ITPR1: variants seen among roughly 807,000 people sequenced by gnomAD.
ITPR1 encodes inositol 1,4,5-trisphosphate receptor type 1, also known as inositol 1,4,5-trisphosphate-gated calcium channel ITPR1.
Under a neutral mutation model 318.4 loss-of-function variants are expected in ITPR1, and 96 were observed. The ratio of observed to expected loss-of-function variants is 0.30; its 90% CI spans 0.26 to 0.36. The LOEUF is 0.36. ITPR1 is among the 10% of genes least tolerant of loss of function. The pLI, the probability that ITPR1 is intolerant of heterozygous loss-of-function variation, is 1.00. For missense variants in ITPR1, 2,440 were observed against 3,460.2 expected (o/e 0.71, Z 7.40); for synonymous variants, 1,312 against 1,289.9 (o/e 1.02, Z -0.37).
At chr3:4,740,191 C>T (rs1348095533) in intron 44 of ITPR1, among the ~76,000 whole-genome samples, 1 of 152,156 alleles carries the variant, frequency 6.6e-6, no homozygotes. Flanking sequence ...CTCACCACCA[C>T]CCCCATTATA....
intron 5 of ITPR1, among the ~76,000 whole-genome samples, chr3:4,635,271 GT>G (rs1400810797): frequency 1.3e-5 from 2 of 152,310 alleles, no homozygotes; most frequent in Non-Finnish European, 2.9e-5. Context: ...TGAGTGAAAA[GT>G]TTTTTGGTCA....
intron 26 of ITPR1, 96 bp from the exon 27 acceptor site, chr3:4,683,290 T>C: frequency 8.3e-7 from 1 of 1,206,126 alleles, no homozygotes; most frequent in South Asian, 1.2e-5. Flanking sequence ...ATCACAGTGC[T>C]AGAAATGCAA....
At chr3:4,646,659 G>C (rs186199126) in intron 10 of ITPR1, among the ~76,000 whole-genome samples, 1 of 152,242 alleles carries the variant, frequency 6.6e-6, no homozygotes. Flanking sequence ...AGAAGATTCT[G>C]CCCACAGCAT....
intron 44 of ITPR1, among the ~76,000 whole-genome samples, chr3:4,753,523 G>A (rs1472485757): frequency 1.3e-5 from 2 of 152,126 alleles, no homozygotes; most frequent in African/African-American, 2.4e-5. Context: ...ACAGCAAGAT[G>A]GGGATGCAGG....
chr3:4,638,953 A>C (rs895851840), intron 5 of ITPR1, among the ~76,000 whole-genome samples: 1 of 152,172 alleles, frequency 6.6e-6, no homozygotes, highest in Non-Finnish European at 1.5e-5. Context: ...ATTAAATAAC[A>C]CATTCAAGTT....
intron 44 of ITPR1, among the ~76,000 whole-genome samples, chr3:4,746,774 A>C (rs1313208844): frequency 6.6e-6 from 1 of 152,190 alleles, no homozygotes; most frequent in Non-Finnish European, 1.5e-5. Flanking sequence ...TGTGGAAGGC[A>C]CTCAGCTCAG....
At chr3:4,563,707 C>T (rs1044624489) in intron 4 of ITPR1, among the ~76,000 whole-genome samples, 1 of 152,070 alleles carries the variant, frequency 6.6e-6, no homozygotes, top group African/African-American at 2.4e-5. Context: ...CAAGATTGAA[C>T]GGTGCTAGAT....
At chr3:4,617,082 T>G (rs1274750206) in intron 4 of ITPR1, among the ~76,000 whole-genome samples, 1 of 152,016 alleles carries the variant, frequency 6.6e-6, no homozygotes, top group Non-Finnish European at 1.5e-5. Context: ...GGATTACATG[T>G]TATAGGTTAT....
chr3:4,813,004 C>G, intron 56 of ITPR1, 138 bp from the exon 57 acceptor site: 1 of 697,074 alleles, frequency 1.4e-6, no homozygotes, highest in Non-Finnish European at 2.5e-6. Context: ...AATTGCATTT[C>G]TGCTTTGAAT....
At chr3:4,541,719 A>G (rs2084469321) in intron 4 of ITPR1, among the ~76,000 whole-genome samples, 1 of 151,720 alleles carries the variant, frequency 6.6e-6, no homozygotes, top group East Asian at 1.9e-4. Context: ...TCCGCCTCCC[A>G]GGTTCAAGCC....
intron 26 of ITPR1, among the ~76,000 whole-genome samples, chr3:4,681,824 A>G (rs894167682): frequency 1.3e-5 from 2 of 152,092 alleles, no homozygotes; most frequent in African/African-American, 2.4e-5. Context: ...GCTGGGCTAC[A>G]ATTTTATCCC....
intron 46 of ITPR1, among the ~76,000 whole-genome samples, chr3:4,772,840 A>T (rs2046266743): frequency 6.6e-6 from 1 of 152,210 alleles, no homozygotes; most frequent in Admixed American, 6.5e-5. Context: ...TCTGGGACAG[A>T]TTCTGTCCAG....
At chr3:4,609,536 A>C (rs553817792) in intron 4 of ITPR1, among the ~76,000 whole-genome samples, 1 of 152,144 alleles carries the variant, frequency 6.6e-6, no homozygotes, top group Non-Finnish European at 1.5e-5. Context: ...ATATGTACAG[A>C]TGTCAAAACT....
intron 55 of ITPR1, among the ~76,000 whole-genome samples, chr3:4,806,850 G>A (rs2048586100): frequency 6.6e-6 from 1 of 152,072 alleles, no homozygotes; most frequent in South Asian, 2.1e-4. Flanking sequence ...CTCCTGAGCA[G>A]GTTTTTAAAT....
intron 4 of ITPR1, among the ~76,000 whole-genome samples, chr3:4,594,051 G>A (rs1001106905): frequency 6.6e-6 from 1 of 152,168 alleles, no homozygotes; most frequent in African/African-American, 2.4e-5. Flanking sequence ...TGTGGCAGAG[G>A]CAGCAAGAAT....
chr3:4,583,851 C>T (rs77305707), intron 4 of ITPR1, among the ~76,000 whole-genome samples: 1 of 152,100 alleles, frequency 6.6e-6, no homozygotes, highest in Non-Finnish European at 1.5e-5. Flanking sequence ...TGGTGATGTA[C>T]CCCTCACTAA....
At chr3:4,719,841 G>T (rs903360351) in intron 40 of ITPR1, among the ~76,000 whole-genome samples, 17 of 152,164 alleles carry the variant, frequency 1.1e-4, no homozygotes, top group African/African-American at 4.1e-4. Flanking sequence ...GGGGTTGTTT[G>T]TTTTTTGGCA....
chr3:4,736,515 C>A (rs1251086360), intron 44 of ITPR1, among the ~76,000 whole-genome samples: 1 of 152,244 alleles, frequency 6.6e-6, no homozygotes, highest in Non-Finnish European at 1.5e-5. Flanking sequence ...GCCTTCCAAT[C>A]CCCGCTTCCC....
rs2094309935 is a variant in ITPR1 at position 4,681,893 on chromosome 3, ATAT to A, written c.3161+478_3161+480del. On this transcript the variant is annotated intron_variant, in intron 26 of 61. Transcript: ENST00000649015. ...AAAATCTGGTCTTTCATTGTTCCTA[ATAT>A]TAATGTATGAACCCCTTTAAAAAAA... Among the ~76,000 whole-genome samples the A allele has an allele frequency of 3.3e-5, 5 of 152,212 alleles. No individual in the cohort carries two copies. In the South Asian group the frequency reaches 1.0e-3, roughly 32 times the overall value.
Sources: allele counts gnomAD v4.1 joint callset (sites outside exome capture counted in the v4.1 genomes callset), GRCh38; gene constraint gnomAD v4.1.1; transcripts MANE v1.5; gene names NCBI Gene and HGNC (gene_info 2026-07-23, HGNC 2026-07-21).